Variants in RASSF5 observed in about 807,000 individuals in gnomAD.
The protein encoded by RASSF5 is Ras association domain family member 5.
A neutral mutation model predicts 40.5 loss-of-function variants in RASSF5; 25 were observed. That is an observed-to-expected ratio of 0.62 (90% CI 0.45 to 0.86). The LOEUF (loss-of-function observed/expected upper bound fraction) is 0.86. RASSF5 is among the 40% of genes least tolerant of loss of function. The probability of loss-of-function intolerance (pLI) is 0.00; values close to 1 mark genes in which losing one functional copy is unlikely to be tolerated. For missense variants in RASSF5, 521 were observed against 572.8 expected (o/e 0.91, Z 0.92); for synonymous variants, 246 against 252.4 (o/e 0.97, Z 0.24).
At chr1:206,538,034 T>C (rs782755142) in intron 1 of RASSF5, 138 bp from the exon 2 acceptor site, 156 of 1,227,200 alleles carry the variant, frequency 1.3e-4, no homozygotes, top group Middle Eastern at 4.6e-4. Context: ...ATTCTCACGC[T>C]GTCTCCCGCC....
At chr1:206,528,833 T>G (rs1572307047) in intron 1 of RASSF5, 2 of 403,568 alleles carry the variant, frequency 5.0e-6, no homozygotes, top group Non-Finnish European at 4.3e-6. Context: ...AGGCCAGGAG[T>G]TTGAGACCAG....
Position 206,584,861 on chromosome 1 carries a change from T to C in RASSF5, c.988+177T>C. ...TCCGGGCAGGGAGGCAAGAGCAGAG[T>C]CCCTGACTCTGCATGTGACTTCAGG... On this transcript the variant is annotated intron_variant, in intron 4 of 5. Transcript: ENST00000579436. This position sits in a 1 kb window ranked among gnomAD's most constrained non-coding sequence, Gnocchi z 4.9. 1 of 668,984 alleles carries C rather than the reference T, an allele frequency of 1.5e-6. No individual in the cohort carries two copies. Among genetic ancestry groups the C allele is most frequent in the Non-Finnish European group, 2.5e-6 (1 of 396,824 alleles). The allele number at this position is 668,984 out of a possible 1,614,324, so 41.4% of individuals were successfully genotyped here. A position where few individuals can be genotyped will look rare whatever the true frequency, so the allele number is the denominator to read the frequency against.
At chr1:206,557,272 C>T in intron 2 of RASSF5, 1 of 1,163,682 alleles carries the variant, frequency 8.6e-7, no homozygotes, top group South Asian at 3.0e-5. Flanking sequence ...GACACGAAAC[C>T]GCAGAGCCCG....
chr1:206,550,586 A>C (rs76753849), intron 2 of RASSF5, among the ~76,000 whole-genome samples: 1,543 of 152,334 alleles, frequency 0.01, 29 homozygotes, highest in African/African-American at 0.035. Context: ...TGGGGACACC[A>C]GTGTGGTTGT....
intron 1 of RASSF5, among the ~76,000 whole-genome samples, chr1:206,511,598 C>T (rs1666613154): frequency 6.6e-6 from 1 of 152,164 alleles, no homozygotes; most frequent in Non-Finnish European, 1.5e-5. Flanking sequence ...TTATTCAGAG[C>T]TGTGAAGTGT....
At chr1:206,563,554 C>T (rs1342528717) in intron 2 of RASSF5, among the ~76,000 whole-genome samples, 1 of 152,134 alleles carries the variant, frequency 6.6e-6, no homozygotes, top group Non-Finnish European at 1.5e-5. Context: ...GCCTCAACCA[C>T]CTGCACCAGA....
chr1:206,507,664 C>A lies in RASSF5; in HGVS notation c.62C>A (p.Pro21Gln), dbSNP rs1553393942. The change falls in exon 1 of 6, where the codon CCG (proline) becomes CAG (glutamine). Residue 21 changes from proline to glutamine, a missense_variant. Physicochemically the swap from Pro to Gln is moderately conservative, Grantham distance 76. This residue lies in a region of RASSF5 where 237 missense variants were observed against 212.0 expected (regional missense o/e 1.12). Coordinates refer to ENST00000579436, the MANE Select transcript of RASSF5 (RefSeq NM_182663.4). ...RPYPLLLDPE[P>Q]PRYLQSLSGP... ...TACCCGCTACTATTGGACCCCGAGC[C>A]GCCGCGCTATCTACAGAGCCTGAGC... is the stretch of plus-strand genomic sequence containing the variant. The A allele has an allele frequency of 6.6e-7, 1 of 1,526,602 alleles. No individual in the cohort carries two copies. Among genetic ancestry groups the A allele is most frequent in the Non-Finnish European group, 8.7e-7 (1 of 1,143,188 alleles). The allele number at this position is 1,526,602 out of a possible 1,614,324, so 94.6% of individuals were successfully genotyped here. A position where few individuals can be genotyped will look rare whatever the true frequency, so the allele number is the denominator to read the frequency against.
Position 206,557,755 on chromosome 1 carries a change from T to C in RASSF5, c.579+19462T>C, listed in dbSNP as rs566301613. On this transcript the variant is annotated intron_variant, in intron 2 of 5. Transcript: ENST00000579436. ...GGGGAAATAACCTCTGTGGTCAATC[T>C]AGAAGGGAAACCTTGCTCCCAGCAA... 3.6e-4 allele frequency: 565 copies of C among 1,567,356 alleles called. No individual in the cohort carries two copies. The Middle Eastern group carries it at 4.7e-3, about 13-fold the overall frequency.
rs1669235257 is a variant in RASSF5 at position 206,588,728 on chromosome 1, T to TA, written c.*1753dup. The TA allele has an allele frequency of 6.5e-6, 1 of 152,728 alleles. No individual in the cohort carries two copies. Among genetic ancestry groups the TA allele is most frequent in the African/African-American group, 2.4e-5 (1 of 41,438 alleles). 9.5% of individuals were successfully genotyped at this position (152,728 alleles called of 1,614,324 possible). ...CAAGCTCGCAACTCTAAGATTTTTT[T>TA]AAACCACAAAAACCCTGGTTAGCCA... On this transcript the variant is annotated 3_prime_UTR_variant, in exon 6 of 6. Coordinates refer to ENST00000579436, the MANE Select transcript of RASSF5 (RefSeq NM_182663.4).
intron 5 of RASSF5, 61 bp downstream of exon 5, chr1:206,585,356 G>A (rs782472289): frequency 8.0e-7 from 1 of 1,250,108 alleles, no homozygotes; most frequent in Middle Eastern, 1.9e-4. Flanking sequence ...GTGCAGGTGG[G>A]TGTTGTCCTA....
chr1:206,566,009 C>A (rs1421711732), intron 2 of RASSF5, among the ~76,000 whole-genome samples: 4 of 152,212 alleles, frequency 2.6e-5, no homozygotes, highest in African/African-American at 9.6e-5. Context: ...AGTTAGTTTA[C>A]CATCTTAGAC....
chr1:206,514,888 T>G (rs1280993418), intron 1 of RASSF5, among the ~76,000 whole-genome samples: 1 of 152,188 alleles, frequency 6.6e-6, no homozygotes, highest in Non-Finnish European at 1.5e-5. Flanking sequence ...AGAAATAACT[T>G]TTGTTGCACT....
chr1:206,586,844 C>A lies in RASSF5; in HGVS notation c.1123C>A (p.Pro375Thr). ...GEVEWDAFSI[P>T]ELQNFLTILE... ...CTCACAGTGGGATGCCTTCTCCATC[C>A]CTGAACTTCAGAACTTCCTAACAAT... Residue 375 changes from proline (P) to threonine (T), a missense_variant, in exon 6 of 6, where the codon CCT (proline) becomes ACT (threonine). Physicochemically the swap from Pro to Thr is conservative, Grantham distance 38. Around this residue, in one of 2 missense-constraint regions of RASSF5, gnomAD observed 284 missense variants for 360.8 expected, o/e 0.79. Coordinates refer to ENST00000579436, the MANE Select transcript of RASSF5 (RefSeq NM_182663.4). 1 of 1,613,876 alleles carries A rather than the reference C, an allele frequency of 6.2e-7. No homozygotes were observed. Among genetic ancestry groups the A allele is most frequent in the South Asian group, 1.1e-5 (1 of 91,068 alleles).
At position 206,557,828 on chromosome 1, in the gene RASSF5, G is replaced by A. The variant is rs575145537; in HGVS notation, c.579+19535G>A. The A allele has an allele frequency of 5.2e-4, 491 of 941,592 alleles. 3 individuals are homozygous for A. The African/African-American group carries it at 7.5e-3, about 14-fold the overall frequency. The allele number at this position is 941,592 out of a possible 1,614,324, so 58.3% of individuals were successfully genotyped here. Reference sequence around the variant, plus strand: ...AAAGTGGCCAGGCAGTTGCCCTGAGGGCTGAGCATCGTATCTGGAGCCCTT... The same window carrying A: ...AAAGTGGCCAGGCAGTTGCCCTGAGAGCTGAGCATCGTATCTGGAGCCCTT... On this transcript the variant is annotated intron_variant, in intron 2 of 5. Transcript: ENST00000579436.
intron 2 of RASSF5, chr1:206,543,944 G>A (rs1227705609): frequency 1.3e-5 from 2 of 152,086 alleles, no homozygotes; most frequent in Non-Finnish European, 2.9e-5. Context: ...AGTAGACACA[G>A]GGTTTCACCA....
chr1:206,543,525 G>A (rs1169908789), intron 2 of RASSF5: 1 of 151,922 alleles, frequency 6.6e-6, no homozygotes, highest in Non-Finnish European at 1.5e-5. Flanking sequence ...ATAGGACCAG[G>A]CCATTTGTAT....
At chr1:206,559,487 A>G (rs1572340392) in intron 2 of RASSF5, among the ~76,000 whole-genome samples, 1 of 152,294 alleles carries the variant, frequency 6.6e-6, no homozygotes, top group South Asian at 2.1e-4. Flanking sequence ...CTGAACAGCC[A>G]TCTCTCTCCC....
intron 5 of RASSF5, chr1:206,585,543 G>A: frequency 2.9e-6 from 1 of 340,868 alleles, no homozygotes. Flanking sequence ...GATTTCATGT[G>A]CTTTATTTCT....
chr1:206,565,216 G>C (rs1365421896), intron 2 of RASSF5, among the ~76,000 whole-genome samples: 1 of 152,064 alleles, frequency 6.6e-6, no homozygotes, highest in African/African-American at 2.4e-5. Flanking sequence ...CAGAGGTCAG[G>C]CCTCTCCTCT....
Sources: gnomAD v4.1 joint callset for allele counts (sites outside exome capture counted in the v4.1 genomes callset) on GRCh38, gnomAD v4.1.1 for gene constraint, gnomAD v4.1.1 regional missense constraint, Gnocchi (gnomAD v3.1) non-coding constraint, MANE v1.5 for transcripts, NCBI Gene and HGNC (gene_info 2026-07-23, HGNC 2026-07-21) for gene names.